The following ETV1 variants were observed in gnomAD, a reference collection of about 807,000 sequenced individuals.
ETV1 encodes the protein ETS variant transcription factor 1.
Under a neutral mutation model 62.3 loss-of-function variants are expected in ETV1, and 27 were observed. That is an observed-to-expected ratio of 0.43 (90% CI 0.32 to 0.60). The LOEUF is 0.60. Ranked by LOEUF, ETV1 falls within the 20% of genes least tolerant of loss-of-function variation. ETV1 has a pLI of 0.06. For synonymous variants in ETV1, 222 were observed against 199.6 expected, an observed-to-expected ratio of 1.11 and a Z score of -0.94; for missense variants, 605 against 605.8, an observed-to-expected ratio of 1.00 and a Z score of 0.01.
intron 5 of ETV1, among the ~76,000 whole-genome samples, chr7:13,981,528 CATACAT>C (rs1409360987): frequency 3.1e-5 from 4 of 128,514 alleles, no homozygotes; most frequent in African/African-American, 9.7e-5. Flanking sequence ...TACATACATA[CATACAT>C]ATATATATAT....
intron 9 of ETV1, among the ~76,000 whole-genome samples, chr7:13,917,574 C>T (rs1240754674): frequency 6.6e-6 from 1 of 151,870 alleles, no homozygotes; most frequent in Admixed American, 6.6e-5. Context: ...GTCTTGGCCT[C>T]CCAAAGTACT....
At chr7:13,904,320 C>G (rs1165932161) in intron 12 of ETV1, among the ~76,000 whole-genome samples, 1 of 152,190 alleles carries the variant, frequency 6.6e-6, no homozygotes, top group East Asian at 1.9e-4. Context: ...TATCCAGCCT[C>G]TTTTTAACTT....
chr7:13,943,302 T>C (rs1395434996), intron 6 of ETV1, among the ~76,000 whole-genome samples: 3 of 152,228 alleles, frequency 2.0e-5, no homozygotes, highest in Non-Finnish European at 4.4e-5. Context: ...AGATTATCAC[T>C]ATATAGCTGT....
In ETV1 at chr7:13,906,572, T is replaced by C; in HGVS notation, c.968A>G (p.Tyr323Cys). ...CCGTTGGTATGTGGGTCCTTCCCGATACATTCCTGGCTCTTGTTTGATGTC... is the reference window on the plus strand; with the variant it reads ...CCGTTGGTATGTGGGTCCTTCCCGACACATTCCTGGCTCTTGTTTGATGTC... The part of the protein sequence containing the change: ...DGDIKQEPGM[Y>C]REGPTYQRRG... Residue 323 changes from tyrosine to cysteine, a missense_variant, in exon 12 of 14, where the codon TAT becomes TGT. Physicochemically the swap from Tyr to Cys is radical, Grantham distance 194 (BLOSUM62 -2). Coordinates refer to ENST00000430479, the MANE Select transcript of ETV1 (RefSeq NM_004956.5). 1 of 1,611,084 alleles carries C rather than the reference T, an allele frequency of 6.2e-7. No individual in the cohort carries two copies. Among genetic ancestry groups the C allele is most frequent in the South Asian group, 1.1e-5 (1 of 90,288 alleles).
chr7:13,905,241 C>G (rs151134823), intron 12 of ETV1, among the ~76,000 whole-genome samples: 1 of 152,150 alleles, frequency 6.6e-6, no homozygotes, highest in East Asian at 1.9e-4. Context: ...TTAATAAAGA[C>G]AGAAAATTCA....
chr7:13,958,282 C>T (rs1789727948), intron 6 of ETV1, among the ~76,000 whole-genome samples: 1 of 152,096 alleles, frequency 6.6e-6, no homozygotes, highest in Non-Finnish European at 1.5e-5. Context: ...CCAGGTTGGC[C>T]CATTTGTTGT....
At chr7:13,926,125 C>G (rs1295262520) in intron 9 of ETV1, among the ~76,000 whole-genome samples, 1 of 152,044 alleles carries the variant, frequency 6.6e-6, no homozygotes, top group Non-Finnish European at 1.5e-5. Context: ...TACAAGTACC[C>G]ATAACTTACT....
chr7:13,948,198 G>A (rs1289065042), intron 6 of ETV1, among the ~76,000 whole-genome samples: 1 of 152,120 alleles, frequency 6.6e-6, no homozygotes, highest in African/African-American at 2.4e-5. Flanking sequence ...TAACCAAAAT[G>A]TCACAATGAT....
chr7:13,920,462 G>GTGTC (rs1784723474), intron 9 of ETV1, among the ~76,000 whole-genome samples: 1 of 151,972 alleles, frequency 6.6e-6, no homozygotes, highest in Non-Finnish European at 1.5e-5. Context: ...GTGTGTGTGT[G>GTGTC]TGTGTGTTTC....
At chr7:13,979,740 A>G (rs1781802742) in intron 5 of ETV1, among the ~76,000 whole-genome samples, 1 of 152,186 alleles carries the variant, frequency 6.6e-6, no homozygotes, top group Admixed American at 6.6e-5. Flanking sequence ...TAATAAAAAT[A>G]TAATATCCCT....
At chr7:13,917,752 C>G (rs934450986) in intron 9 of ETV1, among the ~76,000 whole-genome samples, 2 of 151,966 alleles carry the variant, frequency 1.3e-5, no homozygotes, top group African/African-American at 4.8e-5. Context: ...ATCATGAGGT[C>G]AGGAGATCGA....
chr7:13,965,253 C>T (rs1320012948), intron 6 of ETV1, among the ~76,000 whole-genome samples: 1 of 152,194 alleles, frequency 6.6e-6, no homozygotes, highest in Non-Finnish European at 1.5e-5. Context: ...GCAGCCTAGA[C>T]AAGGACTGGA....
At chr7:13,900,903 T>A in intron 12 of ETV1, 64 bp from the exon 13 acceptor site, 3 of 1,104,496 alleles carry the variant, frequency 2.7e-6, no homozygotes, top group Non-Finnish European at 3.9e-6. Context: ...TTCATAAAAA[T>A]TATTTAATTA....
chr7:13,917,919 A>G (rs991468347), intron 9 of ETV1, among the ~76,000 whole-genome samples: 1 of 151,978 alleles, frequency 6.6e-6, no homozygotes, highest in Non-Finnish European at 1.5e-5. Context: ...AGCCGAGATC[A>G]TGCCACTGCA....
Position 13,942,020 on chromosome 7 carries a change from CTTTT to C in ETV1, c.236-2778_236-2775del, listed in dbSNP as rs560415338. Among the ~76,000 whole-genome samples, 228 of 99,736 alleles carry C rather than the reference CTTTT, an allele frequency of 2.3e-3. 2 individuals carry two copies. The highest frequency in any genetic ancestry group is 2.6e-3 in the Non-Finnish European group (138 of 52,824). The allele number at this position is 99,736 out of a possible 152,430, so 65.4% of individuals were successfully genotyped here. On this transcript the variant is annotated intron_variant, in intron 6 of 13. Transcript: ENST00000430479. The stretch of plus-strand genomic sequence containing the variant: ...TTTGTAATACATTAACCATGCATTT[CTTTT>C]TTTTTTTTTTTTTTTTTGAGACGGA...
intron 6 of ETV1, among the ~76,000 whole-genome samples, chr7:13,963,843 G>C (rs1266023317): frequency 6.6e-6 from 1 of 151,986 alleles, no homozygotes; most frequent in Non-Finnish European, 1.5e-5. Flanking sequence ...TTGATCAATG[G>C]GACAGCTTTA....
chr7:13,969,764 T>G (rs768244738), intron 6 of ETV1, among the ~76,000 whole-genome samples: 1 of 152,188 alleles, frequency 6.6e-6, no homozygotes, highest in African/African-American at 2.4e-5. Context: ...CTATCCAAAA[T>G]GTTTTTCTAT....
intron 6 of ETV1, among the ~76,000 whole-genome samples, chr7:13,970,022 C>T (rs772934839): frequency 7.3e-5 from 11 of 151,602 alleles, no homozygotes; most frequent in Non-Finnish European, 1.3e-4. Context: ...TTTGGGAGGC[C>T]GAGGCAGGAG....
At chr7:13,925,167 C>G (rs752311400) in intron 9 of ETV1, among the ~76,000 whole-genome samples, 1 of 152,056 alleles carries the variant, frequency 6.6e-6, no homozygotes, top group Non-Finnish European at 1.5e-5. Flanking sequence ...TCTTCTTTCC[C>G]TCTCTTCATT....
Sources: allele counts gnomAD v4.1 joint callset (sites outside exome capture counted in the v4.1 genomes callset), GRCh38; gene constraint gnomAD v4.1.1; transcripts MANE v1.5; gene names NCBI Gene and HGNC (gene_info 2026-07-23, HGNC 2026-07-21).